PRRG1: variants seen among roughly 807,000 people sequenced by gnomAD.
The protein encoded by PRRG1 is transmembrane gamma-carboxyglutamic acid protein 1.
A neutral mutation model predicts 11.8 loss-of-function variants in PRRG1; 5 were observed. That is an observed-to-expected ratio of 0.42 (90% CI 0.22 to 0.89). The LOEUF (loss-of-function observed/expected upper bound fraction) is 0.89, where lower values mean the gene tolerates loss of function less well. Ranked by LOEUF, PRRG1 falls within the 40% of genes least tolerant of loss-of-function variation. PRRG1 has a pLI of 0.28. For missense variants in PRRG1, 155 were observed against 166.1 expected (o/e 0.93, Z 0.37); for synonymous variants, 66 against 60.4 (o/e 1.09, Z -0.43).
At chrX:37,372,887 C>T (rs1930811482) in intron 1 of PRRG1, among the ~76,000 whole-genome samples, 1 of 112,291 alleles carries the variant, frequency 8.9e-6, no homozygotes, top group South Asian at 3.7e-4. Flanking sequence ...ATGTCGTGGA[C>T]CTTTTCCGTT....
At chrX:37,433,406 T>C (rs927283638) in intron 3 of PRRG1, among the ~76,000 whole-genome samples, 4 of 111,792 alleles carry the variant, frequency 3.6e-5, no homozygotes, top group South Asian at 7.6e-4. Context: ...TGGCACTTGC[T>C]CTCTCCTCTT....
chrX:37,435,128 G>A (rs1932871228), intron 3 of PRRG1, among the ~76,000 whole-genome samples: 1 of 110,715 alleles, frequency 9.0e-6, no homozygotes, highest in Non-Finnish European at 1.9e-5. Context: ...AATACAAGAT[G>A]AGCTGGAGAA....
intron 1 of PRRG1, among the ~76,000 whole-genome samples, chrX:37,397,785 G>A (rs1931768110): frequency 9.0e-6 from 1 of 110,825 alleles, no homozygotes; most frequent in African/African-American, 3.3e-5. Flanking sequence ...CTTGTAGAGG[G>A]TATGTAATGC....
intron 1 of PRRG1, among the ~76,000 whole-genome samples, chrX:37,358,499 A>G (rs1556366790): frequency 9.0e-6 from 1 of 110,700 alleles, no homozygotes; most frequent in East Asian, 2.8e-4. Context: ...GTCTATCTTC[A>G]TTGTTTTGCC....
At chrX:37,387,876 T>G (rs1475923258) in intron 1 of PRRG1, among the ~76,000 whole-genome samples, 1 of 111,808 alleles carries the variant, frequency 8.9e-6, no homozygotes, top group Non-Finnish European at 1.9e-5. Context: ...GAAACAAGGC[T>G]AGCCCCTCCC....
At chrX:37,447,008 C>A (rs1309021170) in intron 3 of PRRG1, among the ~76,000 whole-genome samples, 1 of 111,341 alleles carries the variant, frequency 9.0e-6, no homozygotes, top group East Asian at 2.8e-4. Flanking sequence ...AACACTGCCA[C>A]GCTGGTAATT....
intron 1 of PRRG1, among the ~76,000 whole-genome samples, chrX:37,402,118 A>G (rs1324465215): frequency 8.9e-6 from 1 of 111,858 alleles, no homozygotes; most frequent in African/African-American, 3.3e-5. Context: ...CTTTCTTCAC[A>G]GAATTGGAAA....
intron 2 of PRRG1, among the ~76,000 whole-genome samples, chrX:37,422,121 G>T (rs782273191): frequency 8.9e-6 from 1 of 111,753 alleles, no homozygotes; most frequent in African/African-American, 3.3e-5. Flanking sequence ...CTGCTTTCTG[G>T]TTACTGGAGT....
chrX:37,405,658 T>C (rs1309110190), intron 1 of PRRG1, among the ~76,000 whole-genome samples: 1 of 111,525 alleles, frequency 9.0e-6, no homozygotes, highest in Non-Finnish European at 1.9e-5. Flanking sequence ...GTCAGTAGTT[T>C]ATGATCATTG....
At chrX:37,446,283 G>A (rs1275309359) in intron 3 of PRRG1, among the ~76,000 whole-genome samples, 1 of 111,534 alleles carries the variant, frequency 9.0e-6, no homozygotes, top group African/African-American at 3.3e-5. Context: ...TTTTTGGGGG[G>A]TTGGTGAGTA....
rs1556398348 is a variant in PRRG1 at position 37,456,241 on chromosome X, G to A, written c.*2620G>A. ...CAGATTCTCAATAAATGTTAAGAGC[G>A]TAAGTGTAAGGGGGTCCAGAGACCA... On this transcript the variant is annotated 3_prime_UTR_variant, in exon 4 of 4. Coordinates refer to ENST00000378628, the MANE Select transcript of PRRG1 (RefSeq NM_001142395.2). 1 of 112,026 alleles carries A rather than the reference G, an allele frequency of 8.9e-6. No individual in the cohort carries two copies. The highest frequency in any genetic ancestry group is 3.2e-5 in the African/African-American group (1 of 30,855). The allele number at this position is 112,026 out of a possible 1,213,427, so 9.2% of individuals were successfully genotyped here. A position where few individuals can be genotyped will look rare whatever the true frequency, so the allele number is the denominator to read the frequency against.
chrX:37,403,789 C>A (rs191018070), intron 1 of PRRG1: 18 of 747,638 alleles, frequency 2.4e-5, no homozygotes, highest in Non-Finnish European at 2.8e-5. Flanking sequence ...TAACCTGGGC[C>A]TGGGGGAGTT....
intron 2 of PRRG1, among the ~76,000 whole-genome samples, chrX:37,415,410 A>G (rs1261938241): frequency 9.0e-6 from 1 of 111,668 alleles, no homozygotes; most frequent in Non-Finnish European, 1.9e-5. Flanking sequence ...TCTGTCTCAA[A>G]AAAATAAAAT....
At chrX:37,359,704 A>G (rs1411474664) in intron 1 of PRRG1, among the ~76,000 whole-genome samples, 5 of 111,759 alleles carry the variant, frequency 4.5e-5, no homozygotes, top group African/African-American at 1.6e-4. Context: ...GAGAACTGGT[A>G]TAGTTTATTC....
At chrX:37,363,199 G>A (rs1176765461) in intron 1 of PRRG1, among the ~76,000 whole-genome samples, 3 of 112,014 alleles carry the variant, frequency 2.7e-5, no homozygotes, top group African/African-American at 9.7e-5. Context: ...GAGGTATACA[G>A]TAGAACTGAA....
At chrX:37,419,596 A>G (rs1393828075) in intron 2 of PRRG1, among the ~76,000 whole-genome samples, 1 of 111,795 alleles carries the variant, frequency 8.9e-6, no homozygotes, top group Non-Finnish European at 1.9e-5. Context: ...ATGGTACAGC[A>G]GGAGAGAGAT....
rs782377361 is a variant in PRRG1 at position 37,453,601 on chromosome X, G to T, written c.637G>T (p.Val213Leu). 8.5e-7 allele frequency: 1 copy of T among 1,180,661 alleles called. No homozygotes were observed. Among genetic ancestry groups the T allele is most frequent in the South Asian group, 1.9e-5 (1 of 51,972 alleles). ...NSASAIPMVP[V>L]VTTIK ...AGCCAGTGCCATTCCTATGGTGCCT[G>T]TGGTCACCACCATCAAATGAAGCTG... The change falls in exon 4 of 4, where the codon GTG (valine) becomes TTG (leucine). Residue 213 changes from valine to leucine, a missense_variant. Physicochemically the swap from Val to Leu is conservative, Grantham distance 32. Transcript: ENST00000378628.
chrX:37,396,032 G>T (rs1192974775), intron 1 of PRRG1, among the ~76,000 whole-genome samples: 1 of 111,875 alleles, frequency 8.9e-6, no homozygotes, highest in African/African-American at 3.2e-5. Flanking sequence ...GCAACCTTCA[G>T]CCTGTATTTG....
chrX:37,410,698 G>T (rs986988473), intron 2 of PRRG1, among the ~76,000 whole-genome samples: 1 of 111,998 alleles, frequency 8.9e-6, no homozygotes, highest in Admixed American at 9.5e-5. Context: ...TACACTGATT[G>T]GCAGTGACCA....
Sources: allele counts gnomAD v4.1 joint callset (sites outside exome capture counted in the v4.1 genomes callset), GRCh38; gene constraint gnomAD v4.1.1; transcripts MANE v1.5; gene names NCBI Gene and HGNC (gene_info 2026-07-23, HGNC 2026-07-21).